Variants in ACTR3C observed in about 807,000 individuals in gnomAD.
The protein encoded by ACTR3C is actin-related protein 3C.
ACTR3C carries 18 observed loss-of-function variants against 26.3 expected under a neutral mutation model. The ratio of observed to expected loss-of-function variants is 0.68; its 90% confidence interval spans 0.47 to 1.01. The LOEUF (loss-of-function observed/expected upper bound fraction) is 1.01, where lower values mean the gene tolerates loss of function less well. Among genes scored for constraint, ACTR3C ranks in the 50% least tolerant of loss-of-function variants. The pLI, the probability that ACTR3C is intolerant of heterozygous loss-of-function variation, is 0.00. For missense variants in ACTR3C, 184 were observed against 250.7 expected, an observed-to-expected ratio of 0.73 and a Z score of 1.80; for synonymous variants, 55 against 94.5, an observed-to-expected ratio of 0.58 and a Z score of 2.42.
chr7:150,196,623 T>C, the ACTR3C span, among the ~76,000 whole-genome samples: 4 of 152,356 alleles, frequency 2.6e-5, no homozygotes, highest in African/African-American at 9.6e-5. Flanking sequence ...CCTTATTTGT[T>C]GATAGCTGAA....
chr7:150,043,246 C>T, the ACTR3C span, among the ~76,000 whole-genome samples: 5 of 151,142 alleles, frequency 3.3e-5, no homozygotes, highest in African/African-American at 1.2e-4. Flanking sequence ...CCAGGTGGTT[C>T]CTAAGGATCT....
At chr7:150,194,275 AT>A in the ACTR3C span, among the ~76,000 whole-genome samples, 60 of 145,978 alleles carry the variant, frequency 4.1e-4, no homozygotes, top group South Asian at 2.1e-4. Flanking sequence ...TTTATATATT[AT>A]TATATAATAT....
chr7:150,171,886 A>G, the ACTR3C span, among the ~76,000 whole-genome samples: 1 of 150,696 alleles, frequency 6.6e-6, no homozygotes, highest in Admixed American at 6.6e-5. Flanking sequence ...ATCCCGGCTC[A>G]CTGCAACCTC....
chr7:150,147,685 T>C, the ACTR3C span, among the ~76,000 whole-genome samples: 1 of 152,182 alleles, frequency 6.6e-6, no homozygotes, highest in East Asian at 1.9e-4. Flanking sequence ...CTGTGTGGTG[T>C]CTGTGGGTCA....
chr7:150,283,231 T>C (rs1384135985), intron 6 of ACTR3C, among the ~76,000 whole-genome samples: 2 of 149,586 alleles, frequency 1.3e-5, no homozygotes, highest in Non-Finnish European at 1.5e-5. Flanking sequence ...CAGTGTTCCC[T>C]GCTGCTGCTT....
At chr7:150,299,037 G>A (rs1187797755) in intron 1 of ACTR3C, among the ~76,000 whole-genome samples, 1 of 130,706 alleles carries the variant, frequency 7.7e-6, no homozygotes, top group Non-Finnish European at 1.5e-5. Flanking sequence ...CTCAAGTGCA[G>A]TAGCCCAATC....
At chr7:149,903,613 C>A in the ACTR3C span, among the ~76,000 whole-genome samples, 2 of 151,768 alleles carry the variant, frequency 1.3e-5, no homozygotes, top group Non-Finnish European at 2.9e-5. Context: ...GCAATCACAA[C>A]TCACTCCAGC....
downstream of ACTR3C, chr7:150,244,341 T>C (rs1177370309): frequency 6.6e-6 from 1 of 150,412 alleles, no homozygotes; most frequent in Non-Finnish European, 1.5e-5. Context: ...TATTCAATAT[T>C]CAATATAGTC....
chr7:150,198,578 G>A, the ACTR3C span, among the ~76,000 whole-genome samples: 35 of 144,796 alleles, frequency 2.4e-4, 2 homozygotes, highest in African/African-American at 8.8e-4. Context: ...CGGCCGCCCC[G>A]TCTGAGAAGT....
chr7:150,019,642 A>C, the ACTR3C span, among the ~76,000 whole-genome samples: 1 of 150,116 alleles, frequency 6.7e-6, no homozygotes, highest in Non-Finnish European at 1.5e-5. Context: ...TAAAATCTAT[A>C]ATCTATTTAA....
At chr7:150,001,995 C>G in the ACTR3C span, 3 of 152,262 alleles carry the variant, frequency 2.0e-5, no homozygotes, top group Non-Finnish European at 2.9e-5. Flanking sequence ...GCAGCGAGGC[C>G]TGCCAACAAG....
chr7:150,063,776 G>A, the ACTR3C span, among the ~76,000 whole-genome samples: 14 of 152,214 alleles, frequency 9.2e-5, no homozygotes, highest in East Asian at 7.7e-4. Context: ...CTCACCCACC[G>A]TGTGCCTGCT....
chr7:150,208,402 A>G, the ACTR3C span, among the ~76,000 whole-genome samples: 1 of 152,160 alleles, frequency 6.6e-6, no homozygotes, highest in Non-Finnish European at 1.5e-5. Context: ...AATAACCTGG[A>G]AGGACTGGAG....
At chr7:150,138,807 C>T in the ACTR3C span, among the ~76,000 whole-genome samples, 3,607 of 152,246 alleles carry the variant, frequency 0.024, no homozygotes, top group African/African-American at 0.082. Context: ...CCCCATCGCT[C>T]GCATTACTGC....
the ACTR3C span, among the ~76,000 whole-genome samples, chr7:150,105,613 T>C: frequency 2.0e-5 from 3 of 152,074 alleles, no homozygotes; most frequent in Non-Finnish European, 4.4e-5. Context: ...TGAGATTTGT[T>C]GTTTTCTGAT....
chr7:150,123,535 G>A, the ACTR3C span, among the ~76,000 whole-genome samples: 5 of 150,584 alleles, frequency 3.3e-5, no homozygotes, highest in Non-Finnish European at 5.9e-5. Context: ...GCACACAAAC[G>A]TAGTCATGGT....
intron 2 of ACTR3C, among the ~76,000 whole-genome samples, chr7:150,294,565 C>A (rs1836573986): frequency 6.6e-6 from 1 of 152,224 alleles, no homozygotes; most frequent in South Asian, 2.1e-4. Flanking sequence ...CAGGAATGCT[C>A]AGAGCCTGGA....
the ACTR3C span, among the ~76,000 whole-genome samples, chr7:150,041,713 G>T: frequency 4.6e-5 from 6 of 130,026 alleles, no homozygotes; most frequent in Admixed American, 7.6e-5. Context: ...CCTCGCGGGG[G>T]GTGCCTCCCC....
intron 6 of ACTR3C, among the ~76,000 whole-genome samples, chr7:150,276,820 A>G (rs1834925551): frequency 6.6e-6 from 1 of 152,168 alleles, no homozygotes; most frequent in South Asian, 2.1e-4. Flanking sequence ...GTGCCACTTA[A>G]CAGGGCCCCC....
Sources: allele counts gnomAD v4.1 joint callset (sites outside exome capture counted in the v4.1 genomes callset), GRCh38; gene constraint gnomAD v4.1.1; transcripts MANE v1.5; gene names NCBI Gene and HGNC (gene_info 2026-07-23, HGNC 2026-07-21).